Variants in NXPH2 observed in about 807,000 individuals in gnomAD.
The protein encoded by NXPH2 is neurexophilin 2, also known as neurexophilin-2.
NXPH2 carries 5 observed loss-of-function variants against 19.8 expected under a neutral mutation model. The ratio of observed to expected loss-of-function variants is 0.25; its 90% CI spans 0.13 to 0.53. NXPH2 has a LOEUF of 0.53. NXPH2 is among the 20% of genes least tolerant of loss of function. The pLI, the probability that NXPH2 is intolerant of heterozygous loss-of-function variation, is 0.96. For synonymous variants in NXPH2, 154 were observed against 127.4 expected, an observed-to-expected ratio of 1.21 and a Z score of -1.41; for missense variants, 289 against 322.8, an observed-to-expected ratio of 0.90 and a Z score of 0.80.
intron 1 of NXPH2, among the ~76,000 whole-genome samples, chr2:138,735,260 T>C (rs991558949): frequency 1.3e-5 from 2 of 152,150 alleles, no homozygotes; most frequent in East Asian, 1.9e-4. Flanking sequence ...GTTGTATTAA[T>C]CTGTTTTCAT....
At chr2:138,719,378 C>T (rs2104992651) in intron 1 of NXPH2, among the ~76,000 whole-genome samples, 1 of 152,224 alleles carries the variant, frequency 6.6e-6, no homozygotes, top group East Asian at 1.9e-4. Context: ...GTTGAGGGTA[C>T]AGGCGAAGAA....
intron 1 of NXPH2, among the ~76,000 whole-genome samples, chr2:138,773,920 A>G (rs368334099): frequency 6.6e-6 from 1 of 152,282 alleles, no homozygotes; most frequent in East Asian, 1.9e-4. Context: ...GGTTAGGATC[A>G]TTGGCAATTT....
intron 1 of NXPH2, among the ~76,000 whole-genome samples, chr2:138,730,157 A>T (rs1377809048): frequency 6.6e-6 from 1 of 151,748 alleles, no homozygotes; most frequent in Admixed American, 6.6e-5. Flanking sequence ...CCCATATGAC[A>T]TATGACTTTT....
At chr2:138,757,362 A>G (rs912391608) in intron 1 of NXPH2, among the ~76,000 whole-genome samples, 1 of 152,186 alleles carries the variant, frequency 6.6e-6, no homozygotes. Context: ...CTGCATGAAC[A>G]TGAAGCAGCA....
chr2:138,779,557 T>C (rs1277803190), intron 1 of NXPH2, among the ~76,000 whole-genome samples: 1 of 151,964 alleles, frequency 6.6e-6, no homozygotes, highest in Non-Finnish European at 1.5e-5. Context: ...AGGGGGCTCC[T>C]GCGCGGAGCT....
chr2:138,758,704 G>T (rs865803920), intron 1 of NXPH2, among the ~76,000 whole-genome samples: 25 of 152,164 alleles, frequency 1.6e-4, no homozygotes, highest in African/African-American at 5.5e-4. Context: ...TAGAGACTGT[G>T]GCCTGGTGGA....
intron 1 of NXPH2, among the ~76,000 whole-genome samples, chr2:138,727,289 T>C (rs1681373794): frequency 6.6e-6 from 1 of 152,188 alleles, no homozygotes; most frequent in African/African-American, 2.4e-5. Flanking sequence ...TGGATAAATA[T>C]CACGGAGCAT....
chr2:138,771,884 C>A (rs1682183503), intron 1 of NXPH2, among the ~76,000 whole-genome samples: 1 of 151,936 alleles, frequency 6.6e-6, no homozygotes, highest in African/African-American at 2.4e-5. Flanking sequence ...GGGTGGAGAA[C>A]CAATAACATC....
At chr2:138,698,240 T>C (rs564499432) in intron 1 of NXPH2, among the ~76,000 whole-genome samples, 9 of 152,308 alleles carry the variant, frequency 5.9e-5, no homozygotes, top group African/African-American at 1.7e-4. Flanking sequence ...TTTTAAATGA[T>C]ATGGGTTTTA....
Position 138,731,152 on chromosome 2 carries a change from C to T in NXPH2, c.51+49039G>A, listed in dbSNP as rs75013345. Among the ~76,000 whole-genome samples, 566 of 152,158 alleles carry T rather than the reference C, an allele frequency of 3.7e-3. 2 individuals carry two copies. Among genetic ancestry groups the T allele is most frequent in the Non-Finnish European group, 7.0e-3 (478 of 68,006 alleles). On this transcript the variant is annotated intron_variant, in intron 1 of 1. Transcript: ENST00000272641. ...TCTGCTGCCTCCATTGTGCTGCTTG[C>T]TTTTTTAGAGCAGGAACCACTTTTC...
chr2:138,776,613 G>GGT (rs1341804529), intron 1 of NXPH2, among the ~76,000 whole-genome samples: 2 of 125,764 alleles, frequency 1.6e-5, no homozygotes, highest in Non-Finnish European at 3.5e-5. Flanking sequence ...ATGATATAGT[G>GGT]GTGTTTTTTT....
intron 1 of NXPH2, among the ~76,000 whole-genome samples, chr2:138,685,713 C>G (rs770257939): frequency 6.6e-6 from 1 of 152,134 alleles, no homozygotes; most frequent in Non-Finnish European, 1.5e-5. Flanking sequence ...TTATTGCTTT[C>G]ATAACACTAC....
intron 1 of NXPH2, among the ~76,000 whole-genome samples, chr2:138,752,563 C>T (rs1037797152): frequency 6.6e-6 from 1 of 152,078 alleles, no homozygotes; most frequent in Non-Finnish European, 1.5e-5. Context: ...GTTTCAACAT[C>T]TTATATTAGT....
intron 1 of NXPH2, among the ~76,000 whole-genome samples, chr2:138,690,161 G>A (rs2177070): frequency 0.24 from 35,726 of 151,932 alleles, 4,978 homozygotes; most frequent in Non-Finnish European, 0.28. Context: ...GTCTCTGTCC[G>A]CCTTCCCCCA....
chr2:138,695,719 G>A (rs566608980), intron 1 of NXPH2, among the ~76,000 whole-genome samples: 1 of 152,066 alleles, frequency 6.6e-6, no homozygotes, highest in East Asian at 1.9e-4. Context: ...GTCAGATAAA[G>A]AGATTTTACA....
chr2:138,753,218 T>C (rs1681851284), intron 1 of NXPH2, among the ~76,000 whole-genome samples: 6 of 152,184 alleles, frequency 3.9e-5, no homozygotes, highest in Non-Finnish European at 7.3e-5. Context: ...ATTTTATACT[T>C]TGGGTTATAA....
chr2:138,758,681 A>G (rs1273549908), intron 1 of NXPH2, among the ~76,000 whole-genome samples: 1 of 152,216 alleles, frequency 6.6e-6, no homozygotes, highest in African/African-American at 2.4e-5. Context: ...CTCAAAATTG[A>G]AAGACTCACA....
At chr2:138,769,657 C>T (rs1445149757) in intron 1 of NXPH2, among the ~76,000 whole-genome samples, 1 of 152,160 alleles carries the variant, frequency 6.6e-6, no homozygotes, top group African/African-American at 2.4e-5. Context: ...TCCCACCACC[C>T]AGCTTAGTGC....
intron 1 of NXPH2, among the ~76,000 whole-genome samples, chr2:138,748,643 T>C (rs910022727): frequency 3.9e-5 from 6 of 152,198 alleles, no homozygotes; most frequent in East Asian, 1.9e-4. Context: ...TGCACACACA[T>C]ACAGTAATAC....
Sources: allele counts gnomAD v4.1 joint callset (sites outside exome capture counted in the v4.1 genomes callset), GRCh38; gene constraint gnomAD v4.1.1; transcripts MANE v1.5; gene names NCBI Gene and HGNC (gene_info 2026-07-23, HGNC 2026-07-21).